Variants in STXBP5L observed in about 807,000 individuals in gnomAD.
STXBP5L encodes syntaxin binding protein 5L.
In STXBP5L, 65 loss-of-function variants were observed where a neutral mutation model predicts 144.5. The ratio of observed to expected loss-of-function variants is 0.45; its 90% CI spans 0.37 to 0.55. STXBP5L has a LOEUF of 0.55. Ranked by LOEUF, STXBP5L falls within the 20% of genes least tolerant of loss-of-function variation. The probability of loss-of-function intolerance (pLI) is 0.00; values close to 1 mark genes in which losing one functional copy is unlikely to be tolerated. For synonymous variants in STXBP5L, 505 were observed against 469.6 expected, an observed-to-expected ratio of 1.08 and a Z score of -0.97; for missense variants, 1,298 against 1,405.5, an observed-to-expected ratio of 0.92 and a Z score of 1.22.
intron 20 of STXBP5L, among the ~76,000 whole-genome samples, chr3:121,324,329 C>T (rs1330126781): frequency 1.3e-5 from 2 of 152,124 alleles, no homozygotes; most frequent in Non-Finnish European, 2.9e-5. Context: ...TCCCTCCAAA[C>T]AGTCCTTTGT....
intron 18 of STXBP5L, among the ~76,000 whole-genome samples, chr3:121,267,941 G>A (rs1335799732): frequency 1.3e-5 from 2 of 152,124 alleles, no homozygotes; most frequent in Admixed American, 6.6e-5. Flanking sequence ...AAATAGGAAC[G>A]CTTTTACACT....
chr3:120,921,245 C>T (rs1307833143), intron 2 of STXBP5L, among the ~76,000 whole-genome samples: 2 of 151,930 alleles, frequency 1.3e-5, no homozygotes, highest in Non-Finnish European at 2.9e-5. Flanking sequence ...AGCATTTTTT[C>T]ATATGCCTGT....
At chr3:120,925,037 C>T (rs574478591) in intron 2 of STXBP5L, 2 of 152,246 alleles carry the variant, frequency 1.3e-5, no homozygotes, top group African/African-American at 4.8e-5. Flanking sequence ...TGTTGTATTC[C>T]TGTATAGCTT....
intron 9 of STXBP5L, among the ~76,000 whole-genome samples, chr3:121,167,317 T>C (rs2108043095): frequency 6.6e-6 from 1 of 152,328 alleles, no homozygotes; most frequent in South Asian, 2.1e-4. Flanking sequence ...AATACACATT[T>C]CAAATTAACA....
intron 5 of STXBP5L, among the ~76,000 whole-genome samples, chr3:121,050,179 C>G (rs1947853400): frequency 6.6e-6 from 1 of 152,156 alleles, no homozygotes; most frequent in African/African-American, 2.4e-5. Flanking sequence ...TGTTTCTTCT[C>G]TCCATGAGAG....
At chr3:121,053,751 AC>A (rs1351662809) in intron 5 of STXBP5L, among the ~76,000 whole-genome samples, 3 of 152,212 alleles carry the variant, frequency 2.0e-5, no homozygotes, top group Non-Finnish European at 2.9e-5. Flanking sequence ...ATCTAATTAA[AC>A]TAAAGAGCTT....
intron 14 of STXBP5L, among the ~76,000 whole-genome samples, chr3:121,249,166 G>A (rs955945701): frequency 2.8e-4 from 42 of 151,854 alleles, no homozygotes; most frequent in African/African-American, 9.7e-4. Context: ...TTCTACTTCT[G>A]TGAGGAATGA....
At chr3:121,124,815 G>A (rs2107865043) in intron 7 of STXBP5L, among the ~76,000 whole-genome samples, 1 of 152,068 alleles carries the variant, frequency 6.6e-6, no homozygotes, top group South Asian at 2.1e-4. Flanking sequence ...AATGGTTTTA[G>A]TGGGAACTTT....
intron 10 of STXBP5L, among the ~76,000 whole-genome samples, chr3:121,216,816 G>C (rs1233743717): frequency 2.0e-5 from 3 of 152,174 alleles, no homozygotes; most frequent in Admixed American, 6.5e-5. Context: ...CTGTCCAAGG[G>C]AGATGGGAGT....
At chr3:121,102,390 A>G (rs1165260693) in intron 5 of STXBP5L, among the ~76,000 whole-genome samples, 1 of 152,106 alleles carries the variant, frequency 6.6e-6, no homozygotes, top group East Asian at 1.9e-4. Context: ...CAGAATAGAG[A>G]ACCCAGAAAT....
rs569592496 is a variant in STXBP5L, at chr3:121,193,196, A to C, written c.878-12727A>C. 3.3e-4 allele frequency among the ~76,000 whole-genome samples: 48 copies of C among 143,332 alleles called. 7 individuals carry two copies. The highest frequency in any genetic ancestry group is 5.9e-4 in the Non-Finnish European group (39 of 65,688). 94.0% of individuals were successfully genotyped at this position (143,332 alleles called of 152,430 possible). On this transcript the variant is annotated intron_variant, in intron 9 of 26. Transcript: ENST00000471454. ...AGACACTTCTCAAAAAAAGACACCT[A>C]TGCAGCCAACAGACACATGAAAAAA... is the stretch of plus-strand genomic sequence containing the variant.
intron 20 of STXBP5L, among the ~76,000 whole-genome samples, chr3:121,344,511 C>A (rs147692166): frequency 0.014 from 2,060 of 151,950 alleles, 19 homozygotes; most frequent in Middle Eastern, 0.034. Context: ...CATGGAGAGG[C>A]CATGGTTAAA....
At chr3:121,355,400 T>A (rs932404251) in intron 20 of STXBP5L, among the ~76,000 whole-genome samples, 1 of 152,160 alleles carries the variant, frequency 6.6e-6, no homozygotes, top group African/African-American at 2.4e-5. Context: ...TACTCGTTTT[T>A]CTCTACCTTG....
At chr3:121,330,971 G>A (rs1357445178) in intron 20 of STXBP5L, among the ~76,000 whole-genome samples, 3 of 152,196 alleles carry the variant, frequency 2.0e-5, no homozygotes, top group African/African-American at 7.2e-5. Context: ...TTGAGGACAG[G>A]TCATGTGCCT....
At chr3:121,322,106 C>T (rs1273055070) in intron 20 of STXBP5L, among the ~76,000 whole-genome samples, 1 of 152,156 alleles carries the variant, frequency 6.6e-6, no homozygotes, top group Admixed American at 6.5e-5. Context: ...TAAGAACATG[C>T]AGTATCTGGT....
chr3:121,000,813 G>T (rs907425239), intron 3 of STXBP5L, among the ~76,000 whole-genome samples: 1 of 152,096 alleles, frequency 6.6e-6, no homozygotes, highest in African/African-American at 2.4e-5. Flanking sequence ...TGCTACCTTT[G>T]AATGTTCGAC....
intron 19 of STXBP5L, among the ~76,000 whole-genome samples, chr3:121,291,731 CAG>C (rs1256137982): frequency 6.6e-6 from 1 of 152,050 alleles, no homozygotes; most frequent in African/African-American, 2.4e-5. Context: ...TGGAACAAAA[CAG>C]AGAGCCCAGA....
At chr3:121,233,483 C>T (rs2049372164) in intron 11 of STXBP5L, 133 bp from the exon 12 acceptor site, 2 of 528,692 alleles carry the variant, frequency 3.8e-6, no homozygotes, top group East Asian at 6.4e-5. Flanking sequence ...TTTGTTACTT[C>T]TTACTTTGGC....
Position 121,090,999 on chromosome 3 carries a change from A to G in STXBP5L, c.471-23926A>G, listed in dbSNP as rs866108636. Among the ~76,000 whole-genome samples, 21 of 142,922 alleles carry G rather than the reference A, an allele frequency of 1.5e-4. No individual in the cohort carries two copies. The Middle Eastern group carries it at 0.02, about 134-fold the overall frequency. 93.8% of individuals were successfully genotyped at this position (142,922 alleles called of 152,430 possible). On this transcript the variant is annotated intron_variant, in intron 5 of 26. Transcript: ENST00000471454. ...TGTGTCCATGTGTTCTCATTGTTCAATTCCCACCTATGAGTGAGAATATGC... is the reference window on the plus strand; with the variant it reads ...TGTGTCCATGTGTTCTCATTGTTCAGTTCCCACCTATGAGTGAGAATATGC...
Sources: gnomAD v4.1 joint callset for allele counts (sites outside exome capture counted in the v4.1 genomes callset) on GRCh38, gnomAD v4.1.1 for gene constraint, MANE v1.5 for transcripts, NCBI Gene and HGNC (gene_info 2026-07-23, HGNC 2026-07-21) for gene names.